SMOC2: variants seen among roughly 807,000 people sequenced by gnomAD.
SMOC2 encodes SPARC related modular calcium binding 2, also known as SPARC-related modular calcium-binding protein 2.
A neutral mutation model predicts 61.4 loss-of-function variants in SMOC2; 39 were observed. The ratio of observed to expected loss-of-function variants is 0.64; its 90% CI spans 0.49 to 0.83. SMOC2 has a LOEUF of 0.83. SMOC2 is among the 40% of genes least tolerant of loss of function. The pLI, the probability that SMOC2 is intolerant of heterozygous loss-of-function variation, is 0.00. For missense variants in SMOC2, 556 were observed against 592.9 expected, an observed-to-expected ratio of 0.94 and a Z score of 0.65; for synonymous variants, 247 against 239.9, an observed-to-expected ratio of 1.03 and a Z score of -0.27.
At chr6:168,540,820 T>G (rs376709801) in intron 4 of SMOC2, among the ~76,000 whole-genome samples, 14 of 152,268 alleles carry the variant, frequency 9.2e-5, no homozygotes, top group Middle Eastern at 3.4e-3. Flanking sequence ...TGTGAAGTTC[T>G]CGGAAGGGGT....
At chr6:168,605,065 C>T (rs1205659747) in intron 8 of SMOC2, among the ~76,000 whole-genome samples, 1 of 152,160 alleles carries the variant, frequency 6.6e-6, no homozygotes, top group African/African-American at 2.4e-5. Flanking sequence ...CCCTCAGCCA[C>T]TAACAGTAGT....
intron 7 of SMOC2, among the ~76,000 whole-genome samples, chr6:168,557,809 G>A (rs987798353): frequency 6.6e-6 from 1 of 152,210 alleles, no homozygotes; most frequent in Non-Finnish European, 1.5e-5. Context: ...GGCACCGTGT[G>A]TTCTAATGCA....
At chr6:168,509,056 T>A (rs1782945712) in intron 1 of SMOC2, among the ~76,000 whole-genome samples, 2 of 123,534 alleles carry the variant, frequency 1.6e-5, no homozygotes. Context: ...ACGGGACTAG[T>A]TGGCCGGTCA....
chr6:168,622,719 C>A (rs952092321), intron 9 of SMOC2, among the ~76,000 whole-genome samples: 3 of 152,178 alleles, frequency 2.0e-5, no homozygotes, highest in African/African-American at 7.2e-5. Context: ...GATGCCATTT[C>A]TCTAATCCAC....
At chr6:168,626,544 G>A (rs546498328) in intron 9 of SMOC2, among the ~76,000 whole-genome samples, 3 of 152,152 alleles carry the variant, frequency 2.0e-5, no homozygotes, top group Non-Finnish European at 4.4e-5. Context: ...GTTCCGCCGC[G>A]ACACTCCACA....
chr6:168,583,376 G>A (rs1005922192), intron 7 of SMOC2, among the ~76,000 whole-genome samples: 5 of 152,176 alleles, frequency 3.3e-5, no homozygotes, highest in African/African-American at 9.6e-5. Context: ...ACTGGGCTCA[G>A]CCCTGCCCTG....
chr6:168,605,870 G>T (rs1243349473), intron 8 of SMOC2, among the ~76,000 whole-genome samples: 1 of 152,004 alleles, frequency 6.6e-6, no homozygotes, highest in African/African-American at 2.4e-5. Context: ...AAGCAAGATG[G>T]CCCCTAAGGG....
intron 1 of SMOC2, among the ~76,000 whole-genome samples, chr6:168,455,361 A>G (rs1781560301): frequency 6.6e-6 from 1 of 152,168 alleles, no homozygotes; most frequent in African/African-American, 2.4e-5. Flanking sequence ...GGTTTTCTCT[A>G]AGCAGAATCA....
intron 4 of SMOC2, among the ~76,000 whole-genome samples, chr6:168,536,174 G>T (rs190340000): frequency 6.6e-6 from 1 of 152,172 alleles, no homozygotes. Flanking sequence ...GCCCTGGGTT[G>T]AGGTGAGGGG....
At chr6:168,591,091 T>A (rs760773858) in intron 7 of SMOC2, among the ~76,000 whole-genome samples, 1 of 152,194 alleles carries the variant, frequency 6.6e-6, no homozygotes, top group African/African-American at 2.4e-5. Context: ...TAGAAGTAAA[T>A]TGGAATTGAA....
chr6:168,618,055 C>T (rs80112318), intron 9 of SMOC2, among the ~76,000 whole-genome samples: 6,992 of 152,308 alleles, frequency 0.046, 407 homozygotes, highest in Admixed American at 0.17. Flanking sequence ...TCCAAGAAAA[C>T]GGATCTGTCC....
chr6:168,621,112 A>G (rs12200109), intron 9 of SMOC2, among the ~76,000 whole-genome samples: 35,812 of 150,178 alleles, frequency 0.24, 4,535 homozygotes, highest in Non-Finnish European at 0.26. Context: ...ACAATCTTTC[A>G]GAAACGTCAG....
intron 9 of SMOC2, among the ~76,000 whole-genome samples, chr6:168,641,445 G>T (rs960804268): frequency 5.3e-5 from 8 of 152,168 alleles, no homozygotes; most frequent in African/African-American, 1.9e-4. Context: ...CAAGCATTTT[G>T]TTAATAAGTA....
At chr6:168,666,366 A>T in intron 12 of SMOC2, 55 bp from the exon 13 acceptor site, 1 of 1,611,090 alleles carries the variant, frequency 6.2e-7, no homozygotes, top group East Asian at 2.2e-5. Context: ...GTCTTCACAG[A>T]TGAGCGACAC....
At chr6:168,476,689 C>T (rs896777116) in intron 1 of SMOC2, among the ~76,000 whole-genome samples, 10 of 152,078 alleles carry the variant, frequency 6.6e-5, no homozygotes, top group African/African-American at 2.2e-4. Context: ...CAAACTCTTA[C>T]TGTCGACATT....
At chr6:168,534,513 G>T (rs1024294748) in intron 4 of SMOC2, among the ~76,000 whole-genome samples, 1 of 152,206 alleles carries the variant, frequency 6.6e-6, no homozygotes, top group African/African-American at 2.4e-5. Context: ...AGAGGCCCTT[G>T]GGGCTGAAGC....
At chr6:168,506,656 C>A (rs1484596411) in intron 1 of SMOC2, among the ~76,000 whole-genome samples, 1 of 152,166 alleles carries the variant, frequency 6.6e-6, no homozygotes, top group Non-Finnish European at 1.5e-5. Context: ...GCCCTCCCCC[C>A]CACCACTTCC....
At chr6:168,577,240 C>T (rs1784824770) in intron 7 of SMOC2, among the ~76,000 whole-genome samples, 1 of 152,134 alleles carries the variant, frequency 6.6e-6, no homozygotes, top group Non-Finnish European at 1.5e-5. Flanking sequence ...TAAACACGCA[C>T]TCTCTTCTTA....
intron 7 of SMOC2, among the ~76,000 whole-genome samples, chr6:168,584,618 CTA>C (rs1233840405): frequency 1.3e-5 from 2 of 150,642 alleles, no homozygotes; most frequent in East Asian, 3.9e-4. Flanking sequence ...GTCTGATATA[CTA>C]TTCATTTTTA....
Sources: allele counts gnomAD v4.1 joint callset (sites outside exome capture counted in the v4.1 genomes callset), GRCh38; gene constraint gnomAD v4.1.1; transcripts MANE v1.5; gene names NCBI Gene and HGNC (gene_info 2026-07-23, HGNC 2026-07-21).